MYRIP: variants seen among roughly 807,000 people sequenced by gnomAD.
MYRIP encodes myosin VIIA and Rab interacting protein.
Under a neutral mutation model 98.0 loss-of-function variants are expected in MYRIP, and 49 were observed. The observed-to-expected ratio is 0.50, with a 90% CI of 0.40 to 0.63. MYRIP has a LOEUF of 0.63. Ranked by LOEUF, MYRIP falls within the 30% of genes least tolerant of loss-of-function variation. The probability of loss-of-function intolerance (pLI) is 0.00; values close to 1 mark genes in which losing one functional copy is unlikely to be tolerated. For synonymous variants in MYRIP, 404 were observed against 409.5 expected (o/e 0.99, Z 0.16); for missense variants, 1,004 against 1,058.2 (o/e 0.95, Z 0.71).
At chr3:40,248,843 A>G (rs552122608) in intron 13 of MYRIP, among the ~76,000 whole-genome samples, 14 of 152,324 alleles carry the variant, frequency 9.2e-5, no homozygotes, top group South Asian at 2.1e-4. Context: ...AAGATTAAGA[A>G]CAGAAAGGCA....
At chr3:39,904,763 TGTG>T (rs1943836684) in intron 2 of MYRIP, among the ~76,000 whole-genome samples, 4 of 150,982 alleles carry the variant, frequency 2.6e-5, no homozygotes. Flanking sequence ...TCAGCTGCTG[TGTG>T]TAGGTAGTCA....
intron 3 of MYRIP, among the ~76,000 whole-genome samples, chr3:40,137,686 G>A (rs191710490): frequency 8.6e-4 from 131 of 152,020 alleles, no homozygotes; most frequent in Admixed American, 7.1e-3. Context: ...CTTATCCACC[G>A]TGAACACCAT....
intron 2 of MYRIP, among the ~76,000 whole-genome samples, chr3:39,929,338 TTCCTATCAAAA>T (rs1944489483): frequency 2.0e-5 from 3 of 152,018 alleles, no homozygotes; most frequent in African/African-American, 7.2e-5. Flanking sequence ...TATAATGCAA[TTCCTATCAAAA>T]TCCTAGCAAG....
chr3:40,256,988 A>C (rs928076202), intron 16 of MYRIP, among the ~76,000 whole-genome samples: 1 of 152,222 alleles, frequency 6.6e-6, no homozygotes, highest in African/African-American at 2.4e-5. Flanking sequence ...GATGAAGAAT[A>C]TGAAATAAAA....
Position 40,190,420 on chromosome 3 carries a change from C to A in MYRIP, c.1622C>A (p.Pro541Gln), listed in dbSNP as rs748990889. 2 of 1,608,284 alleles carry A rather than the reference C, an allele frequency of 1.2e-6. No individual in the cohort carries two copies. Among genetic ancestry groups the A allele is most frequent in the Admixed American group, 3.4e-5 (2 of 59,078 alleles). Residue 541 changes from proline to glutamine, a missense_variant, in exon 10 of 17, where the codon CCA becomes CAA. Pro to Gln is a moderately conservative substitution (Grantham distance 76). Transcript: ENST00000302541. ...RLGSEEPSKE[P>Q]SSPSAQLRDL... Reference sequence around the variant, plus strand: ...GGCTCAGAAGAGCCAAGCAAAGAACCATCTTCCCCCAGCGCCCAGCTCCGG... The same window carrying A: ...GGCTCAGAAGAGCCAAGCAAAGAACAATCTTCCCCCAGCGCCCAGCTCCGG...
intron 3 of MYRIP, among the ~76,000 whole-genome samples, chr3:40,055,327 A>G (rs1434266940): frequency 6.6e-6 from 1 of 152,234 alleles, no homozygotes; most frequent in Non-Finnish European, 1.5e-5. Flanking sequence ...GGGAAAAAAT[A>G]AAATGGGAAA....
chr3:40,256,560 A>T (rs1953598217), intron 16 of MYRIP, among the ~76,000 whole-genome samples: 1 of 152,078 alleles, frequency 6.6e-6, no homozygotes, highest in African/African-American at 2.4e-5. Flanking sequence ...TAAGTCACAT[A>T]AAAAAACTGC....
At chr3:39,909,376 T>C (rs147924858) in intron 2 of MYRIP, among the ~76,000 whole-genome samples, 3 of 152,278 alleles carry the variant, frequency 2.0e-5, no homozygotes, top group African/African-American at 7.2e-5. Context: ...AAAATCATAT[T>C]TTGAATGTCA....
chr3:39,924,433 A>G (rs745432762), intron 2 of MYRIP, among the ~76,000 whole-genome samples: 2 of 152,154 alleles, frequency 1.3e-5, no homozygotes, highest in Admixed American at 1.3e-4. Context: ...AAGAAGGCAT[A>G]GTGATTCTAA....
intron 3 of MYRIP, among the ~76,000 whole-genome samples, chr3:40,050,132 G>A (rs1020345587): frequency 1.2e-4 from 18 of 152,150 alleles, no homozygotes; most frequent in Admixed American, 3.3e-4. Flanking sequence ...CATTGATGAA[G>A]GTGGCTACTC....
intron 3 of MYRIP, among the ~76,000 whole-genome samples, chr3:40,122,032 T>C (rs1457968283): frequency 6.6e-6 from 1 of 152,170 alleles, no homozygotes; most frequent in Admixed American, 6.5e-5. Context: ...TTATTTATAG[T>C]GAAACCAGAA....
intron 3 of MYRIP, among the ~76,000 whole-genome samples, chr3:40,135,227 A>C (rs9813527): frequency 2.0e-5 from 3 of 152,342 alleles, no homozygotes; most frequent in East Asian, 1.9e-4. Flanking sequence ...CGAGAACTAC[A>C]TGACAAATGC....
At chr3:40,155,930 C>A (rs1249939916) in intron 4 of MYRIP, among the ~76,000 whole-genome samples, 2 of 151,900 alleles carry the variant, frequency 1.3e-5, no homozygotes, top group African/African-American at 4.8e-5. Flanking sequence ...AATTTTCTCC[C>A]ATTTTGTAGG....
In MYRIP at chr3:40,193,204, G is replaced by C. The variant is rs532753025; in HGVS notation, c.1665+2741G>C. On this transcript the variant is annotated intron_variant, in intron 10 of 16. Transcript: ENST00000302541. ...GATTACATTGAGATGGTGTATCAAG[G>C]GGGGACTGTGGGGATTGTAGAAGTC... Among the ~76,000 whole-genome samples the C allele has an allele frequency of 2.6e-3, 390 of 152,272 alleles. 5 individuals are homozygous for C. The highest frequency in any genetic ancestry group is 3.6e-3 in the Non-Finnish European group (248 of 68,008).
intron 1 of MYRIP, among the ~76,000 whole-genome samples, chr3:39,868,065 G>A (rs1323285830): frequency 6.6e-6 from 1 of 152,090 alleles, no homozygotes; most frequent in East Asian, 1.9e-4. Context: ...TAGTTCAGGG[G>A]AACACTCCAA....
intron 11 of MYRIP, among the ~76,000 whole-genome samples, chr3:40,225,230 T>A (rs995282410): frequency 6.6e-6 from 1 of 152,058 alleles, no homozygotes. Flanking sequence ...ATAGAGCACA[T>A]CCTTTCTCGC....
intron 9 of MYRIP, among the ~76,000 whole-genome samples, chr3:40,182,861 ATTAG>A (rs1257822419): frequency 1.3e-5 from 2 of 152,240 alleles, no homozygotes; most frequent in African/African-American, 4.8e-5. Context: ...AACTGGATAA[ATTAG>A]TTAGGGTAGC....
chr3:39,860,740 A>G (rs1473511222), intron 1 of MYRIP, among the ~76,000 whole-genome samples: 1 of 152,142 alleles, frequency 6.6e-6, no homozygotes, highest in Non-Finnish European at 1.5e-5. Context: ...TCCATGCTGC[A>G]TTGCTAGTAT....
chr3:40,198,688 A>G (rs1327120203), intron 10 of MYRIP, among the ~76,000 whole-genome samples: 1 of 152,166 alleles, frequency 6.6e-6, no homozygotes, highest in Non-Finnish European at 1.5e-5. Context: ...ATTTCCTCCA[A>G]TGTTTCATTT....
Sources: gnomAD v4.1 joint callset for allele counts (sites outside exome capture counted in the v4.1 genomes callset) on GRCh38, gnomAD v4.1.1 for gene constraint, MANE v1.5 for transcripts, NCBI Gene and HGNC (gene_info 2026-07-23, HGNC 2026-07-21) for gene names.